RGS7: variants seen among roughly 807,000 people sequenced by gnomAD.
RGS7 encodes the protein regulator of G protein signaling 7.
In RGS7, 27 loss-of-function variants were observed where a neutral mutation model predicts 81.1. The observed-to-expected ratio is 0.33, with a 90% confidence interval of 0.25 to 0.46. The LOEUF (loss-of-function observed/expected upper bound fraction) is 0.46. Ranked by LOEUF, RGS7 falls within the 20% of genes least tolerant of loss-of-function variation. The pLI is 1.00. For synonymous variants in RGS7, 208 were observed against 207.7 expected, an observed-to-expected ratio of 1.00 and a Z score of -0.01; for missense variants, 396 against 607.4, an observed-to-expected ratio of 0.65 and a Z score of 3.66.
intron 3 of RGS7, among the ~76,000 whole-genome samples, chr1:241,050,150 C>T (rs2061168801): frequency 6.6e-6 from 1 of 152,182 alleles, no homozygotes; most frequent in African/African-American, 2.4e-5. Context: ...CCCTAAAGAA[C>T]GTGATCCCAT....
At chr1:241,076,700 G>T (rs950258394) in intron 3 of RGS7, among the ~76,000 whole-genome samples, 3 of 152,134 alleles carry the variant, frequency 2.0e-5, no homozygotes, top group Non-Finnish European at 2.9e-5. Flanking sequence ...AGAGTATTTT[G>T]TCCGTGATCA....
chr1:241,041,328 G>T (rs1233262052), intron 3 of RGS7, among the ~76,000 whole-genome samples: 1 of 151,756 alleles, frequency 6.6e-6, no homozygotes, highest in Non-Finnish European at 1.5e-5. Context: ...TTCAGAGTTT[G>T]GTGTTCCATA....
At position 241,205,076 on chromosome 1, in the gene RGS7, ATTT is replaced by A. The variant is rs10649310; in HGVS notation, c.79-106317_79-106315del. On this transcript the variant is annotated intron_variant, in intron 2 of 18. Coordinates refer to ENST00000440928, the MANE Select transcript of RGS7 (RefSeq NM_001364886.1). The stretch of plus-strand genomic sequence containing the variant: ...CATAGATCCCCTAAATTCATTTGTG[ATTT>A]TTTTTTTTTTTTTTTTGAGATGGAG... Among the ~76,000 whole-genome samples, 386 of 125,986 alleles carry A rather than the reference ATTT, an allele frequency of 3.1e-3. 2 individuals carry two copies. Among genetic ancestry groups the A allele is most frequent in the Middle Eastern group, 8.5e-3 (2 of 236 alleles). The allele number at this position is 125,986 out of a possible 152,430, so 82.7% of individuals were successfully genotyped here. A position where few individuals can be genotyped will look rare whatever the true frequency, so the allele number is the denominator to read the frequency against.
At chr1:241,270,357 A>G (rs984878145) in intron 2 of RGS7, among the ~76,000 whole-genome samples, 3 of 152,256 alleles carry the variant, frequency 2.0e-5, no homozygotes, top group Admixed American at 6.5e-5. Context: ...AAGAACCAAT[A>G]GAAATACATT....
At chr1:241,038,069 T>C (rs535071738) in intron 3 of RGS7, among the ~76,000 whole-genome samples, 1 of 152,094 alleles carries the variant, frequency 6.6e-6, no homozygotes, top group East Asian at 1.9e-4. Flanking sequence ...AAAGAACATA[T>C]TAATGTAATA....
chr1:241,139,409 G>C (rs192987280), intron 2 of RGS7, among the ~76,000 whole-genome samples: 1 of 152,222 alleles, frequency 6.6e-6, no homozygotes, highest in Admixed American at 6.5e-5. Context: ...ACACAAGTTA[G>C]GGTTGTTTCC....
chr1:240,965,040 CAAGTT>C (rs1682066941), intron 4 of RGS7, among the ~76,000 whole-genome samples: 1 of 152,188 alleles, frequency 6.6e-6, no homozygotes, highest in Non-Finnish European at 1.5e-5. Context: ...CAACTTCAAA[CAAGTT>C]AATGTTTCAA....
At chr1:240,793,900 C>T (rs1480215665) in intron 18 of RGS7, among the ~76,000 whole-genome samples, 1 of 152,018 alleles carries the variant, frequency 6.6e-6, no homozygotes, top group Non-Finnish European at 1.5e-5. Context: ...GCGTGAGCCA[C>T]CGTGCCCAGC....
intron 9 of RGS7, among the ~76,000 whole-genome samples, chr1:240,859,944 CTT>C (rs376090705): frequency 6.6e-6 from 1 of 152,176 alleles, no homozygotes; most frequent in East Asian, 1.9e-4. Flanking sequence ...TTATATTTCT[CTT>C]GAGACTGCTT....
chr1:240,991,660 T>C (rs929221651), intron 3 of RGS7, among the ~76,000 whole-genome samples: 5 of 152,214 alleles, frequency 3.3e-5, no homozygotes, highest in African/African-American at 1.2e-4. Context: ...TTAAAGACCA[T>C]TTTATATTTT....
chr1:240,783,556 G>C (rs1684485544), intron 18 of RGS7, among the ~76,000 whole-genome samples: 1 of 152,010 alleles, frequency 6.6e-6, no homozygotes, highest in Admixed American at 6.6e-5. Context: ...CCAGGAGACA[G>C]AGGTTGCAGT....
chr1:241,138,916 T>C (rs2067718355), intron 2 of RGS7, among the ~76,000 whole-genome samples: 1 of 152,092 alleles, frequency 6.6e-6, no homozygotes, highest in Non-Finnish European at 1.5e-5. Context: ...CTTTTTTCTG[T>C]AATACATGAT....
chr1:241,174,904 T>G lies in RGS7; in HGVS notation c.79-76142A>C, dbSNP rs992134827. 1.5e-4 allele frequency among the ~76,000 whole-genome samples: 21 copies of G among 137,804 alleles called. No homozygotes were observed. In the East Asian group the frequency reaches 3.2e-3, roughly 21 times the overall value. The allele number at this position is 137,804 out of a possible 152,430, so 90.4% of individuals were successfully genotyped here. On this transcript the variant is annotated intron_variant, in intron 2 of 18. Coordinates refer to ENST00000440928, the MANE Select transcript of RGS7 (RefSeq NM_001364886.1). ...CAATTCACAGAATTTTGTTTTTTTT[T>G]TTTTTTTTTTTTTTTTGAGACGGAG...
chr1:241,009,119 T>C (rs2058830908), intron 3 of RGS7, among the ~76,000 whole-genome samples: 1 of 152,114 alleles, frequency 6.6e-6, no homozygotes, highest in Admixed American at 6.6e-5. Context: ...TCATTATAGA[T>C]TAACTTCCCT....
intron 2 of RGS7, among the ~76,000 whole-genome samples, chr1:241,158,753 G>A (rs535749098): frequency 7.9e-5 from 12 of 152,304 alleles, no homozygotes; most frequent in Admixed American, 7.2e-4. Flanking sequence ...CAGAGAGTCA[G>A]TGGCTTTGAC....
rs146257362 is a variant in RGS7, at chr1:241,167,521, CT to C, written c.79-68760del. Among the ~76,000 whole-genome samples the C allele has an allele frequency of 7.7e-4, 112 of 145,218 alleles. No homozygotes were observed. In the East Asian group the frequency reaches 7.8e-3, roughly 10 times the overall value. On this transcript the variant is annotated intron_variant, in intron 2 of 18. Transcript: ENST00000440928. ...GACAGCTGTACTCTTTGGTCCTCCT[CT>C]TTTTTTTTTTTTCTTGAGACGAGTC...
intron 3 of RGS7, among the ~76,000 whole-genome samples, chr1:241,041,685 T>G (rs1343403730): frequency 1.3e-5 from 2 of 152,134 alleles, no homozygotes; most frequent in Non-Finnish European, 2.9e-5. Context: ...CAAAGCAGAC[T>G]TAGGTCGCAT....
At chr1:240,983,752 TTGTCG>T (rs758934630) in intron 3 of RGS7, among the ~76,000 whole-genome samples, 3 of 152,204 alleles carry the variant, frequency 2.0e-5, no homozygotes, top group Non-Finnish European at 4.4e-5. Flanking sequence ...CAGTCTTTTA[TTGTCG>T]TGTTGATCAC....
At chr1:241,085,260 T>C (rs957724920) in intron 3 of RGS7, among the ~76,000 whole-genome samples, 2 of 152,216 alleles carry the variant, frequency 1.3e-5, no homozygotes, top group Admixed American at 1.3e-4. Flanking sequence ...CGAGAACATT[T>C]TGTAACATCC....
Sources: gnomAD v4.1 joint callset for allele counts (sites outside exome capture counted in the v4.1 genomes callset) on GRCh38, gnomAD v4.1.1 for gene constraint, MANE v1.5 for transcripts, NCBI Gene and HGNC (gene_info 2026-07-23, HGNC 2026-07-21) for gene names.